Variants in EVI5 observed in about 807,000 individuals in gnomAD.
EVI5 encodes the protein ecotropic viral integration site 5 protein homolog.
Under a neutral mutation model 112.0 loss-of-function variants are expected in EVI5, and 73 were observed. The ratio of observed to expected loss-of-function variants is 0.65; its 90% CI spans 0.54 to 0.79. The LOEUF (loss-of-function observed/expected upper bound fraction) is 0.79, where lower values mean the gene tolerates loss of function less well. EVI5 is among the 30% of genes least tolerant of loss of function. EVI5 has a pLI of 0.00. For synonymous variants in EVI5, 305 were observed against 319.9 expected (o/e 0.95, Z 0.50); for missense variants, 900 against 968.8 (o/e 0.93, Z 0.94).
intron 1 of EVI5, among the ~76,000 whole-genome samples, chr1:92,746,215 A>C (rs4638137): frequency 6.6e-6 from 1 of 152,182 alleles, no homozygotes; most frequent in Non-Finnish European, 1.5e-5. Flanking sequence ...CTCTGAACTT[A>C]TTCTGGTTCT....
Position 92,703,599 on chromosome 1 carries a change from T to TACCCC in EVI5, c.359_360insGGGGT (p.Ile120MetfsTer10). The TACCCC allele has an allele frequency of 6.3e-7, 1 of 1,576,982 alleles. No individual in the cohort carries two copies. The highest frequency in any genetic ancestry group is 8.6e-7 in the Non-Finnish European group (1 of 1,163,016). On this transcript the variant is annotated frameshift_variant, in exon 4 of 20. Coordinates refer to ENST00000684568, the MANE Select transcript of EVI5 (RefSeq NM_001350197.2). LOFTEE classifies it high-confidence loss of function. Reference sequence around the variant, plus strand: ...AAACTATTGCTCTAAAGTGATGGGGTATCCCTTTATGAACAAGTTCCTAAA... The same window carrying TACCCC: ...AAACTATTGCTCTAAAGTGATGGGGTACCCCATCCCTTTATGAACAAGTTCCTAAA...
chr1:92,576,349 A>G (rs10782936), intron 18 of EVI5, among the ~76,000 whole-genome samples: 87,784 of 152,046 alleles, frequency 0.58, 27,062 homozygotes, highest in East Asian at 0.92. Flanking sequence ...TATGTTAAAC[A>G]CAAGTATTGG....
At chr1:92,697,254 C>T (rs1424812043) in intron 6 of EVI5, among the ~76,000 whole-genome samples, 1 of 151,878 alleles carries the variant, frequency 6.6e-6, no homozygotes, top group Non-Finnish European at 1.5e-5. Context: ...AAAATATTTA[C>T]ATTATAGCAA....
chr1:92,668,964 G>A (rs1033664101), intron 10 of EVI5, among the ~76,000 whole-genome samples: 1 of 152,136 alleles, frequency 6.6e-6, no homozygotes, highest in Admixed American at 6.5e-5. Flanking sequence ...AAGTTAGGCA[G>A]ATTTAAGTTC....
intron 2 of EVI5, among the ~76,000 whole-genome samples, chr1:92,716,020 C>T (rs1471955338): frequency 6.6e-6 from 1 of 152,282 alleles, no homozygotes; most frequent in Middle Eastern, 3.4e-3. Flanking sequence ...TAAACTCCAC[C>T]TCTGGGGGGC....
intron 16 of EVI5, among the ~76,000 whole-genome samples, chr1:92,623,780 A>G (rs898771967): frequency 6.6e-6 from 1 of 152,208 alleles, no homozygotes; most frequent in South Asian, 2.1e-4. Flanking sequence ...TAGTGGGTAG[A>G]GGCCAGGGAT....
Position 92,703,432 on chromosome 1 carries a change from T to C in EVI5, c.527A>G (p.Asp176Gly). The C allele has an allele frequency of 6.3e-7, 1 of 1,585,136 alleles. No homozygotes were observed. The highest frequency in any genetic ancestry group is 8.5e-7 in the Non-Finnish European group (1 of 1,171,702). ...YPEHNFFKEKDSLGQEVLFNV... is the reference protein window; with the variant it reads ...YPEHNFFKEKGSLGQEVLFNV... The stretch of plus-strand genomic sequence containing the variant: ...AAATAAAACCTCCTGTCCAAGGCTA[T>C]CTTTTTCCTTAAAAAAGTTGTGTTC... Residue 176 changes from aspartate to glycine, a missense_variant, in exon 4 of 20, where the codon GAT becomes GGT. Coordinates refer to ENST00000684568, the MANE Select transcript of EVI5 (RefSeq NM_001350197.2).
chr1:92,662,997 T>A, intron 12 of EVI5, 132 bp from the exon 13 acceptor site: 1 of 374,170 alleles, frequency 2.7e-6, no homozygotes, highest in Non-Finnish European at 4.1e-6. Flanking sequence ...TAGAACAGCC[T>A]ACGTAATCAT....
intron 18 of EVI5, among the ~76,000 whole-genome samples, chr1:92,583,296 G>A (rs1442369883): frequency 2.0e-5 from 3 of 151,828 alleles, no homozygotes; most frequent in Non-Finnish European, 4.4e-5. Context: ...ATCACTTGAG[G>A]TCAGAAGTTT....
intron 18 of EVI5, among the ~76,000 whole-genome samples, chr1:92,597,386 T>C (rs1250299361): frequency 3.3e-5 from 5 of 152,222 alleles, no homozygotes; most frequent in Non-Finnish European, 7.3e-5. Context: ...GGCATCTTCT[T>C]GCATGTTATT....
intron 19 of EVI5, among the ~76,000 whole-genome samples, chr1:92,551,862 CTTTA>C (rs1666988694): frequency 1.3e-5 from 2 of 152,276 alleles, no homozygotes; most frequent in South Asian, 4.1e-4. Context: ...CACCATCTGC[CTTTA>C]TTTTTCATAA....
At position 92,697,902 on chromosome 1, in the gene EVI5, T is replaced by C; in HGVS notation, c.723A>G (p.Ala241=). The C allele has an allele frequency of 6.2e-7, 1 of 1,613,122 alleles. No homozygotes were observed. ...ACTGGTACATACAAAGGCCCAATTC[T>C]GCCATACTTGGTTTAAAAAGTTCAC... is the stretch of plus-strand genomic sequence containing the variant. The part of the protein sequence containing the change: ...RLRELFKPSM[A]ELGLCMYQFE... Residue 241 remains alanine, a synonymous_variant, in exon 6 of 20, where the codon GCA becomes GCG. Coordinates refer to ENST00000684568, the MANE Select transcript of EVI5 (RefSeq NM_001350197.2).
intron 19 of EVI5, among the ~76,000 whole-genome samples, chr1:92,528,421 G>T (rs1363110615): frequency 6.6e-6 from 1 of 152,100 alleles, no homozygotes; most frequent in African/African-American, 2.4e-5. Context: ...GTCCTGGCTT[G>T]AACAATTATA....
chr1:92,541,913 T>G (rs886348430), intron 19 of EVI5, among the ~76,000 whole-genome samples: 2 of 152,154 alleles, frequency 1.3e-5, no homozygotes, highest in African/African-American at 4.8e-5. Flanking sequence ...ATCACCTGAG[T>G]GGTCAGCAAG....
At position 92,703,638 on chromosome 1, in the gene EVI5, T is replaced by A; in HGVS notation, c.340-19A>T. The A allele has an allele frequency of 2.8e-6, 4 of 1,441,022 alleles. No individual in the cohort carries two copies. Among genetic ancestry groups the A allele is most frequent in the Non-Finnish European group, 3.8e-6 (4 of 1,052,476 alleles). 89.3% of individuals were successfully genotyped at this position (1,441,022 alleles called of 1,614,324 possible). ...CAAGTTCCTAAAAATAAAATAAAATTACAAAAATGAATTATTTAAGTGTCC... is the reference window on the plus strand; with the variant it reads ...CAAGTTCCTAAAAATAAAATAAAATAACAAAAATGAATTATTTAAGTGTCC... On this transcript the variant is annotated intron_variant, in intron 3 of 19. Coordinates refer to ENST00000684568, the MANE Select transcript of EVI5 (RefSeq NM_001350197.2).
chr1:92,680,750 G>A (rs1265922553), intron 9 of EVI5, among the ~76,000 whole-genome samples: 1 of 152,068 alleles, frequency 6.6e-6, no homozygotes, highest in Non-Finnish European at 1.5e-5. Flanking sequence ...TATATCGTAT[G>A]GTGAAATGAG....
chr1:92,724,987 C>T (rs1325774541), intron 2 of EVI5, among the ~76,000 whole-genome samples: 1 of 152,010 alleles, frequency 6.6e-6, no homozygotes, highest in Admixed American at 6.6e-5. Flanking sequence ...CTTGTGTGCT[C>T]CCTGAACTGA....
intron 18 of EVI5, among the ~76,000 whole-genome samples, chr1:92,600,179 T>C (rs1648815863): frequency 6.6e-6 from 1 of 152,126 alleles, no homozygotes; most frequent in African/African-American, 2.4e-5. Flanking sequence ...GATTGAAGAG[T>C]TGGCGATATG....
chr1:92,536,029 G>A (rs374397218), intron 19 of EVI5, among the ~76,000 whole-genome samples: 2 of 152,080 alleles, frequency 1.3e-5, no homozygotes, highest in South Asian at 2.1e-4. Context: ...TAACATATTC[G>A]TTCTTACCTG....
Sources: allele counts gnomAD v4.1 joint callset (sites outside exome capture counted in the v4.1 genomes callset), GRCh38; gene constraint gnomAD v4.1.1; transcripts MANE v1.5; gene names NCBI Gene and HGNC (gene_info 2026-07-23, HGNC 2026-07-21).